Variants in FLI1 observed in about 807,000 individuals in gnomAD.
FLI1 encodes Friend leukemia integration 1 transcription factor.
In FLI1, 13 loss-of-function variants were observed where a neutral mutation model predicts 53.1. The observed-to-expected ratio is 0.24, with a 90% CI of 0.16 to 0.39. FLI1 has a LOEUF of 0.39. Among genes scored for constraint, FLI1 ranks in the 10% least tolerant of loss-of-function variants. The pLI, the probability that FLI1 is intolerant of heterozygous loss-of-function variation, is 1.00. For missense variants in FLI1, 424 were observed against 600.5 expected (o/e 0.71, Z 3.07); for synonymous variants, 244 against 236.7 (o/e 1.03, Z -0.28).
At chr11:128,717,052 G>A (rs1000673095) in intron 1 of FLI1, among the ~76,000 whole-genome samples, 56 of 152,146 alleles carry the variant, frequency 3.7e-4, no homozygotes, top group African/African-American at 1.3e-3. Context: ...CCAAGGTAGG[G>A]AGGAAGCAGT....
intron 8 of FLI1, 72 bp downstream of exon 8, chr11:128,809,276 T>C (rs372175718): frequency 7.5e-7 from 1 of 1,336,106 alleles, no homozygotes; most frequent in Non-Finnish European, 1.1e-6. Context: ...CAGAGACTTC[T>C]GTCCTAAGTC....
chr11:128,711,433 G>A (rs1196417925), intron 1 of FLI1, among the ~76,000 whole-genome samples: 2 of 152,230 alleles, frequency 1.3e-5, no homozygotes, highest in African/African-American at 4.8e-5. Flanking sequence ...TGGGGCTGGA[G>A]CTAAGTTTTC....
At chr11:128,702,031 T>G (rs1162095268) in intron 1 of FLI1, among the ~76,000 whole-genome samples, 1 of 152,214 alleles carries the variant, frequency 6.6e-6, no homozygotes, top group African/African-American at 2.4e-5. Context: ...TATTAGAAAA[T>G]TACTCTGCTC....
At chr11:128,752,587 G>A (rs927119485) in intron 1 of FLI1, among the ~76,000 whole-genome samples, 3 of 152,208 alleles carry the variant, frequency 2.0e-5, no homozygotes, top group Admixed American at 1.3e-4. Flanking sequence ...AAGAACCTGT[G>A]AAGAGTAGTG....
intron 1 of FLI1, among the ~76,000 whole-genome samples, chr11:128,712,419 C>T (rs1938820050): frequency 6.6e-6 from 1 of 152,108 alleles, no homozygotes; most frequent in Non-Finnish European, 1.5e-5. Context: ...TCCGTTATAG[C>T]TACAGAAAAT....
At chr11:128,734,642 C>A (rs1025350226) in intron 1 of FLI1, among the ~76,000 whole-genome samples, 1 of 152,188 alleles carries the variant, frequency 6.6e-6, no homozygotes, top group Non-Finnish European at 1.5e-5. Context: ...TGGCCAGTTT[C>A]ATTTCCTGGT....
At chr11:128,740,220 T>C (rs1940075083) in intron 1 of FLI1, among the ~76,000 whole-genome samples, 1 of 152,056 alleles carries the variant, frequency 6.6e-6, no homozygotes, top group African/African-American at 2.4e-5. Context: ...GATCAGACCA[T>C]CTCCAACCTG....
chr11:128,748,633 CAA>C (rs927424811), intron 1 of FLI1, among the ~76,000 whole-genome samples: 2 of 136,302 alleles, frequency 1.5e-5, no homozygotes, highest in Non-Finnish European at 1.6e-5. Context: ...AACTCTGTCT[CAA>C]AAAAAAAAAG....
chr11:128,709,756 C>T (rs1938707511), intron 1 of FLI1, among the ~76,000 whole-genome samples: 1 of 152,188 alleles, frequency 6.6e-6, no homozygotes, highest in Non-Finnish European at 1.5e-5. Context: ...GACCAAATAC[C>T]TATGGCTGCC....
chr11:128,694,353 C>T, intron 1 of FLI1, 77 bp downstream of exon 1: 1 of 1,163,860 alleles, frequency 8.6e-7, no homozygotes, highest in Non-Finnish European at 1.1e-6. Context: ...GGTGCGGGGC[C>T]CGCGTCCCGG....
chr11:128,689,097 G>T (rs1430106151), upstream of FLI1, among the ~76,000 whole-genome samples: 2 of 152,186 alleles, frequency 1.3e-5, no homozygotes, highest in Non-Finnish European at 2.9e-5. Context: ...GTACAGATGA[G>T]GACAGTGAGG....
At chr11:128,723,271 G>A (rs1279794558) in intron 1 of FLI1, among the ~76,000 whole-genome samples, 1 of 152,136 alleles carries the variant, frequency 6.6e-6, no homozygotes, top group Admixed American at 6.5e-5. Flanking sequence ...AGGAGCAAGT[G>A]GGGGCTCAGG....
intron 1 of FLI1, among the ~76,000 whole-genome samples, chr11:128,687,714 C>T (rs542366007): frequency 1.1e-4 from 17 of 152,224 alleles, no homozygotes; most frequent in African/African-American, 3.6e-4. Context: ...CCAAGGATTG[C>T]CAATTATGCG....
At chr11:128,686,069 T>C, upstream of FLI1, 1 of 318,050 alleles carries the variant, frequency 3.1e-6, no homozygotes, top group Non-Finnish European at 6.3e-6. Flanking sequence ...TGCGTTAGTC[T>C]TCCTCCGTCC....
At chr11:128,693,719 C>A, upstream of FLI1, 1 of 233,314 alleles carries the variant, frequency 4.3e-6, no homozygotes, top group East Asian at 6.0e-5. Flanking sequence ...AATCAGGGCG[C>A]GGACGCTGGG....
At chr11:128,762,956 CAAAAA>C (rs11301220) in intron 2 of FLI1, among the ~76,000 whole-genome samples, 1 of 146,346 alleles carries the variant, frequency 6.8e-6, no homozygotes, top group Non-Finnish European at 1.5e-5. Context: ...AACACCATCT[CAAAAA>C]AAAAAAAAAT....
In FLI1 at chr11:128,811,071, C is replaced by A; in HGVS notation, c.*83C>A. ...TTTGGACTCAACAGGACATATGTGGCCTTGAAGGGAAGACAAAACTGGATG... is the reference window on the plus strand; with the variant it reads ...TTTGGACTCAACAGGACATATGTGGACTTGAAGGGAAGACAAAACTGGATG... On this transcript the variant is annotated 3_prime_UTR_variant, in exon 9 of 9. Transcript: ENST00000527786. 1 of 1,301,586 alleles carries A rather than the reference C, an allele frequency of 7.7e-7. No homozygotes were observed. Among genetic ancestry groups the A allele is most frequent in the Admixed American group, 2.0e-5 (1 of 49,778 alleles). The allele number at this position is 1,301,586 out of a possible 1,614,324, so 80.6% of individuals were successfully genotyped here.
In FLI1 at chr11:128,774,258, C is replaced by T. The variant is rs191989443; in HGVS notation, c.589+1273C>T. 3.9e-3 allele frequency among the ~76,000 whole-genome samples: 587 copies of T among 152,210 alleles called. 21 individuals carry two copies. Among genetic ancestry groups the T allele is most frequent in the Admixed American group, 0.036 (555 of 15,284 alleles). ...CCTCTGTGCTCTCTGGTCACCTTTC[C>T]GAGGCGTCTGGTAACTAGTGCGAGA... On this transcript the variant is annotated intron_variant, in intron 4 of 8. Transcript: ENST00000527786.
At chr11:128,735,357 T>A (rs1347450285) in intron 1 of FLI1, among the ~76,000 whole-genome samples, 1 of 152,202 alleles carries the variant, frequency 6.6e-6, no homozygotes, top group Non-Finnish European at 1.5e-5. Context: ...GGCACCTCAG[T>A]GTATATTTAA....
Sources: gnomAD v4.1 joint callset for allele counts (sites outside exome capture counted in the v4.1 genomes callset) on GRCh38, gnomAD v4.1.1 for gene constraint, MANE v1.5 for transcripts, NCBI Gene and HGNC (gene_info 2026-07-23, HGNC 2026-07-21) for gene names.